TNFSF12: variants seen among roughly 807,000 people sequenced by gnomAD.
TNFSF12 encodes TNF superfamily member 12, also known as tumor necrosis factor ligand superfamily member 12.
In TNFSF12, 16 loss-of-function variants were observed where a neutral mutation model predicts 31.2. The observed-to-expected ratio is 0.51, with a 90% CI of 0.35 to 0.78. The LOEUF is 0.78. Ranked by LOEUF, TNFSF12 falls within the 30% of genes least tolerant of loss-of-function variation. The pLI is 0.01. For synonymous variants in TNFSF12, 150 were observed against 151.4 expected (o/e 0.99, Z 0.07); for missense variants, 324 against 338.8 (o/e 0.96, Z 0.34).
intron 5 of TNFSF12, among the ~76,000 whole-genome samples, chr17:7,551,779 A>G (rs1349601561): frequency 6.6e-6 from 1 of 152,158 alleles, no homozygotes; most frequent in Non-Finnish European, 1.5e-5. Context: ...GAGGAATCAC[A>G]GATGACTTCT....
intron 5 of TNFSF12, among the ~76,000 whole-genome samples, chr17:7,555,817 G>A (rs1567722101): frequency 6.6e-6 from 1 of 151,974 alleles, no homozygotes; most frequent in Admixed American, 6.6e-5. Flanking sequence ...GATGAGGGGG[G>A]TCAGCTCAGT....
In TNFSF12 at chr17:7,556,806, G is replaced by A; in HGVS notation, c.402G>A (p.Glu134=). The A allele has an allele frequency of 1.1e-5, 17 of 1,546,768 alleles. No individual in the cohort carries two copies. Among genetic ancestry groups the A allele is most frequent in the Non-Finnish European group, 1.4e-5 (16 of 1,145,044 alleles). The change falls in exon 6 of 7, where the codon GAG becomes GAA. Residue 134 remains glutamate (E), a synonymous_variant. Transcript: ENST00000293825. ...AGVDGTVSGW[E]EARINSSSPL... is the part of the protein sequence containing the mutation. ...TGGACGGGACAGTGAGTGGCTGGGAGGAAGCCAGAATCAACAGCTCCAGCC... is the reference window on the plus strand; with the variant it reads ...TGGACGGGACAGTGAGTGGCTGGGAAGAAGCCAGAATCAACAGCTCCAGCC...
In TNFSF12 at chr17:7,549,320, C is replaced by G; in HGVS notation, c.159+8C>G. 7.2e-7 allele frequency: 1 copy of G among 1,398,000 alleles called. No homozygotes were observed. The highest frequency in any genetic ancestry group is 9.3e-7 in the Non-Finnish European group (1 of 1,073,566). The allele number at this position is 1,398,000 out of a possible 1,614,324, so 86.6% of individuals were successfully genotyped here. On this transcript the variant is annotated splice_region_variant and intron_variant, in intron 1 of 6. Coordinates refer to ENST00000293825, the MANE Select transcript of TNFSF12 (RefSeq NM_003809.3). This position sits in a 1 kb window ranked among gnomAD's most constrained non-coding sequence, Gnocchi z 4.1. ...GCATCGCTGTCCGCCCAGGTGAGGC[C>G]CCGCTGCGCACCCCTTCTTGGGCAC...
intron 5 of TNFSF12, among the ~76,000 whole-genome samples, chr17:7,552,270 G>T (rs79405270): frequency 6.6e-6 from 1 of 151,180 alleles, no homozygotes; most frequent in Non-Finnish European, 1.5e-5. Context: ...GGACATTGTC[G>T]ACTAGCTTAG....
chr17:7,557,486 C>T lies in TNFSF12; in HGVS notation c.*136C>T, dbSNP rs1597829823. ...CCCTCCCTCTAGAGGCTGCCTGGGC[C>T]TGTTCACGTGTTTTCCATCCCACAT... On this transcript the variant is annotated 3_prime_UTR_variant, in exon 7 of 7. Transcript: ENST00000293825. This position sits in a 1 kb window ranked among gnomAD's most constrained non-coding sequence, Gnocchi z 5.2. The T allele has an allele frequency of 7.3e-6, 9 of 1,230,506 alleles. No individual in the cohort carries two copies. In the East Asian group the frequency reaches 2.3e-4, roughly 32 times the overall value. The allele number at this position is 1,230,506 out of a possible 1,614,324, so 76.2% of individuals were successfully genotyped here.
At chr17:7,555,897 G>A (rs1284538601) in intron 5 of TNFSF12, among the ~76,000 whole-genome samples, 1 of 151,548 alleles carries the variant, frequency 6.6e-6, no homozygotes, top group East Asian at 1.9e-4. Context: ...GGAAGGGAAG[G>A]AAACTTCAGG....
intron 5 of TNFSF12, among the ~76,000 whole-genome samples, chr17:7,551,799 AT>A (rs1003335001): frequency 6.6e-6 from 1 of 151,928 alleles, no homozygotes; most frequent in African/African-American, 2.4e-5. Context: ...TAGATTTTTT[AT>A]TTTTTTTAAG....
At chr17:7,553,027 T>TTTTC (rs2071018716) in intron 5 of TNFSF12, among the ~76,000 whole-genome samples, 5 of 7,468 alleles carry the variant, frequency 6.7e-4, no homozygotes, top group Admixed American at 2.8e-3. Context: ...GACAACCTTT[T>TTTTC]TTTTTTTTTT....
chr17:7,557,190 C>T lies in TNFSF12; in HGVS notation c.590C>T (p.Ala197Val), dbSNP rs1243052451. ...LALRCLEEFS[A>V]TAASSLGPQL... ...CTGCGCTGCCTGGAGGAATTCTCAG[C>T]CACTGCGGCGAGTTCCCTCGGGCCC... The change falls in exon 7 of 7, where the codon GCC becomes GTC. Residue 197 changes from alanine to valine, a missense_variant. Transcript: ENST00000293825. The surrounding 1 kb of genome is among the most constrained non-coding windows in gnomAD (Gnocchi z 5.2). 2 of 1,612,312 alleles carry T rather than the reference C, an allele frequency of 1.2e-6. No homozygotes were observed. Among genetic ancestry groups the T allele is most frequent in the Non-Finnish European group, 1.7e-6 (2 of 1,178,924 alleles).
chr17:7,555,982 G>GTTTTTTTTTTTTTTTT (rs1167470187), intron 5 of TNFSF12, among the ~76,000 whole-genome samples: 4 of 117,734 alleles, frequency 3.4e-5, no homozygotes, highest in Non-Finnish European at 6.9e-5. Context: ...CGTTTTTTTT[G>GTTTTTTTTTTTTTTTT]TTTTTTTTTT....
rs1351068772 is a variant in TNFSF12 at position 7,550,551 on chromosome 17, T to C, written c.284-248T>C. On this transcript the variant is annotated intron_variant, in intron 3 of 6. Transcript: ENST00000293825. The surrounding 1 kb of genome is among the most constrained non-coding windows in gnomAD (Gnocchi z 4.4). ...TGTCCAAGTCGGCATGCAGTTGTCC[T>C]GGCCCCCACCTGTTATCTCGGTGTG... 1.3e-5 allele frequency among the ~76,000 whole-genome samples: 2 copies of C among 151,552 alleles called. No individual in the cohort carries two copies. The highest frequency in any genetic ancestry group is 2.4e-5 in the African/African-American group (1 of 41,178).
Position 7,557,118 on chromosome 17 carries a change from A to C in TNFSF12, c.518A>C (p.Lys173Thr). 6.2e-7 allele frequency: 1 copy of C among 1,613,256 alleles called. No homozygotes were observed. Among genetic ancestry groups the C allele is most frequent in the Non-Finnish European group, 8.5e-7 (1 of 1,179,580 alleles). ...CCCCAGGTGCACTTTGATGAGGGGAAGGCTGTCTACCTGAAGCTGGACTTG... is the reference window on the plus strand; with the variant it reads ...CCCCAGGTGCACTTTGATGAGGGGACGGCTGTCTACCTGAAGCTGGACTTG... ...LYCQVHFDEG[K>T]AVYLKLDLLV... The change falls in exon 7 of 7, where the codon AAG (lysine) becomes ACG (threonine). Residue 173 changes from lysine (K) to threonine (T), a missense_variant. By Grantham distance (78) the Lys-to-Thr change is moderately conservative. Transcript: ENST00000293825. This position sits in a 1 kb window ranked among gnomAD's most constrained non-coding sequence, Gnocchi z 5.2.
In TNFSF12 at chr17:7,549,540, G is replaced by C. The variant is rs1482129388; in HGVS notation, c.207+19G>C. ...CCCGTCGGTGAGTGGGCGTGGGCGC[G>C]GTCTGCAGGCTGCTGGGGCATGGGA... On this transcript the variant is annotated intron_variant, in intron 2 of 6. Coordinates refer to ENST00000293825, the MANE Select transcript of TNFSF12 (RefSeq NM_003809.3). This position sits in a 1 kb window ranked among gnomAD's most constrained non-coding sequence, Gnocchi z 4.1. 9 of 1,540,828 alleles carry C rather than the reference G, an allele frequency of 5.8e-6. No homozygotes were observed. In the South Asian group the frequency reaches 9.6e-5, roughly 16 times the overall value.
At chr17:7,552,377 G>C (rs1001162258) in intron 5 of TNFSF12, among the ~76,000 whole-genome samples, 4 of 150,234 alleles carry the variant, frequency 2.7e-5, no homozygotes, top group Non-Finnish European at 4.4e-5. Flanking sequence ...ACCCAGGCTG[G>C]AGTGCAGTGG....
At position 7,550,966 on chromosome 17, in the gene TNFSF12, G is replaced by A. The variant is rs200558366; in HGVS notation, c.361G>A (p.Gly121Arg). ...AGTTCATCCACGACCTGGACAGGAC[G>A]GAGCGCAGGCAGGTGAGACCCCATC... is the stretch of plus-strand genomic sequence containing the variant. ...YEVHPRPGQD[G>R]AQAGVDGTVS... The change falls in exon 5 of 7, where the codon GGA becomes AGA. Residue 121 changes from glycine to arginine, a missense_variant. Transcript: ENST00000293825. The surrounding 1 kb of genome is among the most constrained non-coding windows in gnomAD (Gnocchi z 4.4). 5.9e-5 allele frequency: 96 copies of A among 1,613,990 alleles called. No individual in the cohort carries two copies. In the East Asian group the frequency reaches 1.2e-3, roughly 19 times the overall value.
intron 5 of TNFSF12, among the ~76,000 whole-genome samples, chr17:7,555,710 G>A (rs73242224): frequency 6.6e-6 from 1 of 152,086 alleles, no homozygotes; most frequent in Admixed American, 6.6e-5. Flanking sequence ...ACTGGTGATC[G>A]ATTAATGATG....
At chr17:7,554,777 G>A (rs1464039348) in intron 5 of TNFSF12, among the ~76,000 whole-genome samples, 1 of 146,368 alleles carries the variant, frequency 6.8e-6, no homozygotes, top group Non-Finnish European at 1.5e-5. Flanking sequence ...ACCACGCCTG[G>A]CTAATTTTTT....
chr17:7,557,230 C>T lies in TNFSF12; in HGVS notation c.630C>T (p.Cys210=), dbSNP rs1015815097. The part of the protein sequence containing the change: ...ASSLGPQLRL[C]QVSGLLALRP... ...CCCTCGGGCCCCAGCTCCGCCTCTG[C>T]CAGGTGTCTGGGCTGTTGGCCCTGC... The change falls in exon 7 of 7, where the codon TGC becomes TGT. Residue 210 remains cysteine, a synonymous_variant. Coordinates refer to ENST00000293825, the MANE Select transcript of TNFSF12 (RefSeq NM_003809.3). This position sits in a 1 kb window ranked among gnomAD's most constrained non-coding sequence, Gnocchi z 5.2. 2 of 1,612,204 alleles carry T rather than the reference C, an allele frequency of 1.2e-6. No homozygotes were observed. The highest frequency in any genetic ancestry group is 1.7e-5 in the Admixed American group (1 of 59,940).
intron 5 of TNFSF12, among the ~76,000 whole-genome samples, chr17:7,555,770 A>C (rs183988649): frequency 6.6e-6 from 1 of 152,148 alleles, no homozygotes; most frequent in Admixed American, 6.5e-5. Flanking sequence ...CAAAACCAGA[A>C]GCCAAATGTG....
Sources: allele counts gnomAD v4.1 joint callset (sites outside exome capture counted in the v4.1 genomes callset), GRCh38; gene constraint gnomAD v4.1.1; non-coding constraint Gnocchi (gnomAD v3.1); transcripts MANE v1.5; gene names NCBI Gene and HGNC (gene_info 2026-07-23, HGNC 2026-07-21).